CPNE6: variants seen among roughly 807,000 people sequenced by gnomAD.
CPNE6 encodes copine-6.
A neutral mutation model predicts 71.5 loss-of-function variants in CPNE6; 33 were observed. The ratio of observed to expected loss-of-function variants is 0.46; its 90% CI spans 0.35 to 0.62. CPNE6 has a LOEUF of 0.62. CPNE6 is among the 20% of genes least tolerant of loss of function. The probability of loss-of-function intolerance (pLI) is 0.00; values close to 1 mark genes in which losing one functional copy is unlikely to be tolerated. For synonymous variants in CPNE6, 296 were observed against 293.0 expected, an observed-to-expected ratio of 1.01 and a Z score of -0.10; for missense variants, 576 against 747.3, an observed-to-expected ratio of 0.77 and a Z score of 2.67.
intron 11 of CPNE6, 87 bp from the exon 11 acceptor site, chr14:24,076,062 T>G: frequency 6.4e-7 from 1 of 1,564,916 alleles, no homozygotes; most frequent in Non-Finnish European, 8.7e-7. Context: ...CCACTCATCT[T>G]AGTCCTCCCT....
chr14:24,075,718 G>A lies in CPNE6; in HGVS notation c.865-109G>A. The A allele has an allele frequency of 1.5e-6, 2 of 1,367,612 alleles. No individual in the cohort carries two copies. Among genetic ancestry groups the A allele is most frequent in the Non-Finnish European group, 1.0e-6 (1 of 972,684 alleles). 84.7% of individuals were successfully genotyped at this position (1,367,612 alleles called of 1,614,324 possible). ...TGGGAACTGGAAACCACCCCCAACT[G>A]CAACCCAAAAAACTCTGGCTCCCCC... On this transcript the variant is annotated intron_variant, in intron 10 of 17. Transcript: ENST00000397016. This position sits in a 1 kb window ranked among gnomAD's most constrained non-coding sequence, Gnocchi z 4.3.
At chr14:24,071,303 T>G in intron 1 of CPNE6, 1 of 1,394,792 alleles carries the variant, frequency 7.2e-7, no homozygotes, top group Non-Finnish European at 9.4e-7. Context: ...GCCACTGCAA[T>G]GTGCGCATCT....
rs539053366 is a variant in CPNE6, at chr14:24,076,138, C to A, written c.925-11C>A. On this transcript the variant is annotated splice_polypyrimidine_tract_variant and intron_variant, in intron 11 of 17. Coordinates refer to ENST00000397016, the Ensembl canonical transcript of CPNE6. ...TGGTTGCAGCATGACCTTCTTCCCA[C>A]CCCCACCCAGGTGGCCATTGACTTC... is the stretch of plus-strand genomic sequence containing the variant. The A allele has an allele frequency of 1.1e-5, 17 of 1,611,446 alleles. No individual in the cohort carries two copies. In the South Asian group the frequency reaches 1.4e-4, roughly 14 times the overall value.
intron 1 of CPNE6, 61 bp from the exon 1 acceptor site, chr14:24,071,501 G>GGGGGCCCCCCCCCCC: frequency 3.5e-5 from 50 of 1,416,618 alleles, no homozygotes; most frequent in Non-Finnish European, 4.5e-5. Flanking sequence ...CTGGTGCTGC[G>GGGGGCCCCCCCCCCC]CCCCCCCCCA....
Position 24,073,550 on chromosome 14 carries a change from G to A in CPNE6, c.220G>A (p.Val74Met). The A allele has an allele frequency of 6.2e-7, 1 of 1,614,012 alleles. No individual in the cohort carries two copies. The highest frequency in any genetic ancestry group is 2.2e-5 in the East Asian group (1 of 44,880). Residue 74 changes from valine to methionine, a missense_variant, in exon 4 of 18, where the codon GTG becomes ATG. This residue lies in a region of CPNE6 where 214 missense variants were observed against 291.2 expected (regional missense o/e 0.73). Transcript: ENST00000397016. This position sits in a 1 kb window ranked among gnomAD's most constrained non-coding sequence, Gnocchi z 5.5. Reference sequence around the variant, plus strand: ...CTGTTCCAGCCCTGTCTTCTCCCGGGTGCTGGCCCTTGAGTATTTTTTTGA... The same window carrying A: ...CTGTTCCAGCCCTGTCTTCTCCCGGATGCTGGCCCTTGAGTATTTTTTTGA...
intron 2 of CPNE6, 67 bp from the exon 2 acceptor site, chr14:24,072,866 A>G (rs2035942892): frequency 3.6e-6 from 5 of 1,375,408 alleles, no homozygotes; most frequent in African/African-American, 1.5e-5. Flanking sequence ...GGGACCCTAG[A>G]GGATAGACCC....
Position 24,074,201 on chromosome 14 carries a change from G to A in CPNE6, c.423+76G>A. ...GCATGGACACCTATGGTGACATCATGCCCAGGACCACCCCCACCTAAGGGA... is the reference window on the plus strand; with the variant it reads ...GCATGGACACCTATGGTGACATCATACCCAGGACCACCCCCACCTAAGGGA... On this transcript the variant is annotated intron_variant, in intron 5 of 17. Transcript: ENST00000397016. This position sits in a 1 kb window ranked among gnomAD's most constrained non-coding sequence, Gnocchi z 4.5. 1 of 1,595,966 alleles carries A rather than the reference G, an allele frequency of 6.3e-7. No homozygotes were observed. Among genetic ancestry groups the A allele is most frequent in the Non-Finnish European group, 8.6e-7 (1 of 1,163,486 alleles).
chr14:24,071,501 G>GGGGGCCCCCCCCCCCCC, intron 1 of CPNE6, 61 bp from the exon 1 acceptor site: 6 of 1,416,696 alleles, frequency 4.2e-6, no homozygotes, highest in Non-Finnish European at 5.6e-6. Flanking sequence ...CTGGTGCTGC[G>GGGGGCCCCCCCCCCCCC]CCCCCCCCCA....
rs2035954723 is a variant in CPNE6, at chr14:24,073,151, G to C, written c.168+47G>C. On this transcript the variant is annotated intron_variant, in intron 3 of 17. Transcript: ENST00000397016. This position sits in a 1 kb window ranked among gnomAD's most constrained non-coding sequence, Gnocchi z 5.5. ...CCTTAACTAACCTGGGTTAAGCTTG[G>C]GAAAGAGGGAGGCTGGGTGGGAGCA... 1 of 1,413,490 alleles carries C rather than the reference G, an allele frequency of 7.1e-7. No homozygotes were observed. The highest frequency in any genetic ancestry group is 1.5e-5 in the African/African-American group (1 of 67,786). The allele number at this position is 1,413,490 out of a possible 1,614,324, so 87.6% of individuals were successfully genotyped here.
chr14:24,076,354 C>T lies in CPNE6; in HGVS notation c.1059-6C>T, dbSNP rs2036062223. 6.2e-7 allele frequency: 1 copy of T among 1,614,212 alleles called. No homozygotes were observed. Among genetic ancestry groups the T allele is most frequent in the Non-Finnish European group, 8.5e-7 (1 of 1,180,028 alleles). On this transcript the variant is annotated splice_region_variant and splice_polypyrimidine_tract_variant and intron_variant, in intron 12 of 17. Transcript: ENST00000397016. ...AACGGATTCCACAGCTTTTTCTTCT[C>T]CCCAGTGATAAGCGGTTCCCAGCTT...
chr14:24,077,498 C>A lies in CPNE6; in HGVS notation c.1537-95C>A. On this transcript the variant is annotated intron_variant, in intron 16 of 17. Transcript: ENST00000397016. This position sits in a 1 kb window ranked among gnomAD's most constrained non-coding sequence, Gnocchi z 6.1. ...ATGTCCTGCTAAGGACGCGGGAGCC[C>A]AGCTGGCCACCCTGAAGCCCCACTT... The A allele has an allele frequency of 1.3e-6, 2 of 1,577,444 alleles. No individual in the cohort carries two copies. Among genetic ancestry groups the A allele is most frequent in the Non-Finnish European group, 1.7e-6 (2 of 1,148,742 alleles).
intron 11 of CPNE6, 75 bp from the exon 11 acceptor site, chr14:24,076,074 C>T: frequency 1.3e-6 from 2 of 1,581,980 alleles, no homozygotes. Context: ...GTCCTCCCTA[C>T]AGATCCCAGC....
At chr14:24,076,094 G>A in intron 11 of CPNE6, 55 bp from the exon 11 acceptor site, 2 of 1,597,270 alleles carry the variant, frequency 1.3e-6, no homozygotes, top group Non-Finnish European at 1.7e-6. Flanking sequence ...CTCTGGCCTA[G>A]GCAATCTGGT....
At chr14:24,071,966 T>A in intron 2 of CPNE6, 1 of 313,342 alleles carries the variant, frequency 3.2e-6, no homozygotes. Flanking sequence ...ACACACGACA[T>A]GGGGGGACAG....
intron 1 of CPNE6, chr14:24,071,328 G>T: frequency 7.0e-7 from 1 of 1,434,644 alleles, no homozygotes; most frequent in Admixed American, 2.8e-5. Context: ...GATTCTGGGT[G>T]TGGGTGTAGT....
At chr14:24,071,324 G>A in intron 1 of CPNE6, 1 of 1,433,030 alleles carries the variant, frequency 7.0e-7, no homozygotes. Flanking sequence ...CTGCGATTCT[G>A]GGTGTGGGTG....
chr14:24,071,229 G>A (rs2035885952), intron 1 of CPNE6: 4 of 1,028,086 alleles, frequency 3.9e-6, no homozygotes, highest in Admixed American at 2.7e-5. Context: ...CAAGATATGT[G>A]TGAGCCTGTG....
Position 24,075,416 on chromosome 14 carries a change from G to A in CPNE6, c.778-89G>A. 2 of 1,424,550 alleles carry A rather than the reference G, an allele frequency of 1.4e-6. No homozygotes were observed. Among genetic ancestry groups the A allele is most frequent in the Non-Finnish European group, 2.0e-6 (2 of 1,016,354 alleles). The allele number at this position is 1,424,550 out of a possible 1,614,324, so 88.2% of individuals were successfully genotyped here. On this transcript the variant is annotated intron_variant, in intron 9 of 17. Transcript: ENST00000397016. The surrounding 1 kb of genome is among the most constrained non-coding windows in gnomAD (Gnocchi z 4.3). ...GGCTCAGCTGAAGGACGGAACCATG[G>A]GGGTCTTGCTCTGGGAGGCTCTGCT... is the stretch of plus-strand genomic sequence containing the variant.
rs75415848 is a variant in CPNE6 at position 24,073,949 on chromosome 14, C to T, written c.349-102C>T. The T allele has an allele frequency of 0.033, 38,650 of 1,162,364 alleles. 792 individuals carry two copies. The highest frequency in any genetic ancestry group is 0.07 in the Middle Eastern group (339 of 4,840). 72.0% of individuals were successfully genotyped at this position (1,162,364 alleles called of 1,614,324 possible). A position where few individuals can be genotyped will look rare whatever the true frequency, so the allele number is the denominator to read the frequency against. On this transcript the variant is annotated intron_variant, in intron 4 of 17. Coordinates refer to ENST00000397016, the Ensembl canonical transcript of CPNE6. This position sits in a 1 kb window ranked among gnomAD's most constrained non-coding sequence, Gnocchi z 5.5. ...CCAACCCTAGCCCAACTCAAAGTGC[C>T]AACCCTTGCAGACACTCAGAGCATT...
Sources: allele counts gnomAD v4.1 joint callset, GRCh38; gene constraint gnomAD v4.1.1; regional missense constraint gnomAD v4.1.1; non-coding constraint Gnocchi (gnomAD v3.1); transcripts MANE v1.5; gene names NCBI Gene and HGNC (gene_info 2026-07-23, HGNC 2026-07-21).